ZNF451: variants seen among roughly 807,000 people sequenced by gnomAD.
ZNF451 encodes the protein zinc finger protein 451, also known as E3 SUMO-protein ligase ZNF451.
A neutral mutation model predicts 107.1 loss-of-function variants in ZNF451; 80 were observed. The ratio of observed to expected loss-of-function variants is 0.75; its 90% CI spans 0.62 to 0.90. The LOEUF (loss-of-function observed/expected upper bound fraction) is 0.90, where lower values mean the gene tolerates loss of function less well. Among genes scored for constraint, ZNF451 ranks in the 40% least tolerant of loss-of-function variants. The pLI is 0.00. For missense variants in ZNF451, 1,107 were observed against 1,236.2 expected (o/e 0.90, Z 1.57); for synonymous variants, 362 against 406.5 (o/e 0.89, Z 1.32).
chr6:57,122,910 C>G (rs1331718332), intron 3 of ZNF451, among the ~76,000 whole-genome samples: 1 of 152,160 alleles, frequency 6.6e-6, no homozygotes, highest in African/African-American at 2.4e-5. Flanking sequence ...CATAGTGGCT[C>G]ACACCTGTAA....
At chr6:57,100,764 A>G (rs778355485) in intron 3 of ZNF451, 52 of 1,550,118 alleles carry the variant, frequency 3.4e-5, no homozygotes, top group Non-Finnish European at 4.4e-5. Context: ...TTGAGAACCC[A>G]TTGGAGAACC....
intron 14 of ZNF451, among the ~76,000 whole-genome samples, 189 bp from the exon 15 acceptor site, chr6:57,168,234 A>G (rs1420293833): frequency 6.6e-6 from 1 of 152,182 alleles, no homozygotes; most frequent in African/African-American, 2.4e-5. Flanking sequence ...TCAATTCAAG[A>G]TCATGTCTAG....
chr6:57,145,842 C>T (rs532042277), intron 9 of ZNF451, among the ~76,000 whole-genome samples: 17 of 152,112 alleles, frequency 1.1e-4, no homozygotes, highest in Non-Finnish European at 2.2e-4. Context: ...GATCAAAGGG[C>T]GGTTCTATTT....
chr6:57,096,781 T>A (rs923631217), intron 2 of ZNF451, among the ~76,000 whole-genome samples: 1 of 138,792 alleles, frequency 7.2e-6, no homozygotes, highest in African/African-American at 2.7e-5. Context: ...TTTTTTTTTT[T>A]TTTTTTTTTT....
At chr6:57,148,921 T>C (rs182477758) in intron 10 of ZNF451, among the ~76,000 whole-genome samples, 1 of 152,190 alleles carries the variant, frequency 6.6e-6, no homozygotes, top group African/African-American at 2.4e-5. Flanking sequence ...ATTTTAGATA[T>C]CATTTTATTT....
intron 5 of ZNF451, among the ~76,000 whole-genome samples, chr6:57,131,957 G>T (rs1329034466): frequency 6.6e-6 from 1 of 152,104 alleles, no homozygotes; most frequent in Non-Finnish European, 1.5e-5. Context: ...TTGCCCCGAG[G>T]ACATTTGGCT....
At chr6:57,095,611 G>A (rs1829258087) in intron 2 of ZNF451, among the ~76,000 whole-genome samples, 1 of 151,780 alleles carries the variant, frequency 6.6e-6, no homozygotes, top group Non-Finnish European at 1.5e-5. Context: ...GGGATTATAG[G>A]CGTGATCTAC....
At chr6:57,120,404 C>T (rs563387263) in intron 3 of ZNF451, among the ~76,000 whole-genome samples, 13 of 152,282 alleles carry the variant, frequency 8.5e-5, no homozygotes, top group Admixed American at 7.8e-4. Flanking sequence ...CTTGTGTGGA[C>T]ATAAGTTTTC....
intron 3 of ZNF451, chr6:57,100,526 C>A: frequency 7.1e-7 from 1 of 1,405,646 alleles, no homozygotes; most frequent in South Asian, 1.6e-5. Flanking sequence ...GGACATGAAT[C>A]TCTGCACTTG....
At chr6:57,136,670 C>CT (rs1281968756) in intron 7 of ZNF451, among the ~76,000 whole-genome samples, 1 of 152,116 alleles carries the variant, frequency 6.6e-6, no homozygotes, top group Admixed American at 6.5e-5. Context: ...AATTAGAGTT[C>CT]TTTCAGGACA....
At chr6:57,141,681 ATATT>A (rs1436050260) in intron 8 of ZNF451, among the ~76,000 whole-genome samples, 3 of 152,156 alleles carry the variant, frequency 2.0e-5, no homozygotes, top group South Asian at 2.1e-4. Context: ...TGGGAAGCAA[ATATT>A]TATTCAGGAT....
At chr6:57,126,574 T>G (rs1400615955) in intron 4 of ZNF451, 1 of 152,164 alleles carries the variant, frequency 6.6e-6, no homozygotes, top group Non-Finnish European at 1.5e-5. Flanking sequence ...AAGTAAGTTA[T>G]CTTACTTTTG....
At chr6:57,101,763 G>A in intron 3 of ZNF451, 1 of 1,550,546 alleles carries the variant, frequency 6.4e-7, no homozygotes, top group Non-Finnish European at 8.7e-7. Flanking sequence ...TCAGAGTTAT[G>A]GCCATGGCCA....
intron 2 of ZNF451, among the ~76,000 whole-genome samples, chr6:57,097,487 G>A (rs2127935592): frequency 6.6e-6 from 1 of 152,214 alleles, no homozygotes; most frequent in South Asian, 2.1e-4. Context: ...AAAAGAATAT[G>A]GCCTTTTCTA....
At chr6:57,102,781 A>C in intron 3 of ZNF451, 1 of 985,460 alleles carries the variant, frequency 1.0e-6, no homozygotes, top group Non-Finnish European at 1.2e-6. Flanking sequence ...CCAACTGGAA[A>C]AAGACTTCTA....
intron 7 of ZNF451, among the ~76,000 whole-genome samples, chr6:57,139,289 T>C (rs948605340): frequency 6.6e-6 from 1 of 152,114 alleles, no homozygotes; most frequent in African/African-American, 2.4e-5. Context: ...GTCTTTTCTA[T>C]GGAGGGGTAC....
At chr6:57,090,576 A>C (rs1465578498) in intron 1 of ZNF451, among the ~76,000 whole-genome samples, 1 of 64,986 alleles carries the variant, frequency 1.5e-5, no homozygotes, top group East Asian at 4.0e-4. Context: ...GGAGTAGATA[A>C]GGGGAATTGT....
chr6:57,107,872 T>C, intron 3 of ZNF451: 1 of 927,972 alleles, frequency 1.1e-6, no homozygotes, highest in Non-Finnish European at 1.3e-6. Context: ...GGAGTCTTGC[T>C]CTGTCACCCA....
intron 3 of ZNF451, chr6:57,102,997 A>G (rs1255603522): frequency 1.0e-6 from 1 of 985,414 alleles, no homozygotes; most frequent in Non-Finnish European, 1.2e-6. Flanking sequence ...TTTCACCAAG[A>G]TGGCCTTCTT....
Sources: allele counts gnomAD v4.1 joint callset (sites outside exome capture counted in the v4.1 genomes callset), GRCh38; gene constraint gnomAD v4.1.1; transcripts MANE v1.5; gene names NCBI Gene and HGNC (gene_info 2026-07-23, HGNC 2026-07-21).